Variants in NFIX observed in about 807,000 individuals in gnomAD.
NFIX encodes the protein nuclear factor I X, also known as nuclear factor 1 X-type.
NFIX carries 2 observed loss-of-function variants against 53.3 expected under a neutral mutation model. That is an observed-to-expected ratio of 0.04 (90% CI 0.02 to 0.12). The LOEUF is 0.12. Ranked by LOEUF, NFIX falls within the 10% of genes least tolerant of loss-of-function variation. The probability of loss-of-function intolerance (pLI) is 1.00; values close to 1 mark genes in which losing one functional copy is unlikely to be tolerated. For missense variants in NFIX, 310 were observed against 674.5 expected, an observed-to-expected ratio of 0.46 and a Z score of 5.99; for synonymous variants, 244 against 289.0, an observed-to-expected ratio of 0.84 and a Z score of 1.58.
chr19:13,010,828 T>TC (rs570221318), intron 1 of NFIX, among the ~76,000 whole-genome samples: 125 of 152,292 alleles, frequency 8.2e-4, no homozygotes, highest in African/African-American at 3.0e-3. Flanking sequence ...TTCAGGTTGT[T>TC]GCGGGAGCCG....
intron 2 of NFIX, among the ~76,000 whole-genome samples, chr19:13,047,964 T>C (rs1364800124): frequency 6.6e-6 from 1 of 152,236 alleles, no homozygotes; most frequent in Admixed American, 6.5e-5. Context: ...CATGCTCTGC[T>C]TCTCGACCTG....
rs768546134 is a variant in NFIX, at chr19:13,060,275, CCAGCCCCCA to C, written c.560-12770_560-12762del. On this transcript the variant is annotated intron_variant, in intron 2 of 10. Transcript: ENST00000592199. This position sits in a 1 kb window ranked among gnomAD's most constrained non-coding sequence, Gnocchi z 4.3. ...CTCTCAGAGGGACCTAGTACAGAGC[CCAGCCCCCA>C]CTCTGAGGAAGCCTTGGATGGGCCA... Among the ~76,000 whole-genome samples, 51 of 152,342 alleles carry C rather than the reference CCAGCCCCCA, an allele frequency of 3.3e-4. No homozygotes were observed. The highest frequency in any genetic ancestry group is 6.9e-4 in the Non-Finnish European group (47 of 68,030).
chr19:13,073,835 C>G lies in NFIX; in HGVS notation c.698-71C>G, dbSNP rs567441773. On this transcript the variant is annotated intron_variant, in intron 4 of 10. Transcript: ENST00000592199. The surrounding 1 kb of genome is among the most constrained non-coding windows in gnomAD (Gnocchi z 4.5). The stretch of plus-strand genomic sequence containing the variant: ...CACCCTGGGCTTCTGGGAAGCTGTT[C>G]ATGACAAAGAAACAGACCCCATCAG... The G allele has an allele frequency of 1.1e-5, 17 of 1,601,480 alleles. No homozygotes were observed. The highest frequency in any genetic ancestry group is 1.7e-4 in the Middle Eastern group (1 of 6,036).
In NFIX at chr19:13,014,177, G is replaced by T. The variant is rs926022675; in HGVS notation, c.28-10844G>T. The T allele has an allele frequency of 6.6e-6, 1 of 152,156 alleles. No homozygotes were observed. The highest frequency in any genetic ancestry group is 2.1e-4 in the South Asian group (1 of 4,834). 9.4% of individuals were successfully genotyped at this position (152,156 alleles called of 1,614,324 possible). On this transcript the variant is annotated intron_variant, in intron 1 of 10. Transcript: ENST00000592199. This position sits in a 1 kb window ranked among gnomAD's most constrained non-coding sequence, Gnocchi z 4.4. Reference sequence around the variant, plus strand: ...GCGCGCTTTTCGGCAGAGCTGGTTAGTTTTTAATGCGGGCTTTTTTTTTCT... The same window carrying T: ...GCGCGCTTTTCGGCAGAGCTGGTTATTTTTTAATGCGGGCTTTTTTTTTCT...
rs746320440 is a variant in NFIX, at chr19:13,036,660, T to C, written c.559+11108T>C. ...TATATCCCCATTAGCGCATAATTAT[T>C]ATATAATGGGCGTTATTGCATAATG... On this transcript the variant is annotated intron_variant, in intron 2 of 10. Coordinates refer to ENST00000592199, the MANE Select transcript of NFIX (RefSeq NM_001365902.3). This position sits in a 1 kb window ranked among gnomAD's most constrained non-coding sequence, Gnocchi z 4.7. Among the ~76,000 whole-genome samples, 7 of 152,174 alleles carry C rather than the reference T, an allele frequency of 4.6e-5. No individual in the cohort carries two copies. Among genetic ancestry groups the C allele is most frequent in the Non-Finnish European group, 7.4e-5 (5 of 68,022 alleles).
intron 2 of NFIX, among the ~76,000 whole-genome samples, chr19:13,042,236 C>T (rs888667491): frequency 6.6e-6 from 1 of 152,004 alleles, no homozygotes; most frequent in Non-Finnish European, 1.5e-5. Flanking sequence ...CTGCATTACC[C>T]CTAAATTGTC....
rs59712093 is a variant in NFIX, at chr19:13,067,070, C to G, written c.560-5977C>G. On this transcript the variant is annotated intron_variant, in intron 2 of 10. Transcript: ENST00000592199. This position sits in a 1 kb window ranked among gnomAD's most constrained non-coding sequence, Gnocchi z 4.2. ...ATTCTCCAGCTCTGATTGCTACAGGCAGGGCCTCTGGCTCCCCTTGAGATT... is the reference window on the plus strand; with the variant it reads ...ATTCTCCAGCTCTGATTGCTACAGGGAGGGCCTCTGGCTCCCCTTGAGATT... Among the ~76,000 whole-genome samples, 1,429 of 152,334 alleles carry G rather than the reference C, an allele frequency of 9.4e-3. 28 individuals are homozygous for G. The highest frequency in any genetic ancestry group is 0.033 in the African/African-American group (1,373 of 41,558).
At position 13,022,686 on chromosome 19, in the gene NFIX, AGCT is replaced by A. The variant is rs1195581690; in HGVS notation, c.28-2331_28-2329del. 1.3e-5 allele frequency among the ~76,000 whole-genome samples: 2 copies of A among 151,992 alleles called. No homozygotes were observed. Among genetic ancestry groups the A allele is most frequent in the African/African-American group, 4.8e-5 (2 of 41,382 alleles). On this transcript the variant is annotated intron_variant, in intron 1 of 10. Coordinates refer to ENST00000592199, the MANE Select transcript of NFIX (RefSeq NM_001365902.3). This position sits in a 1 kb window ranked among gnomAD's most constrained non-coding sequence, Gnocchi z 4.5. ...AAACCAAAACACAGAGAGAAGGCGC[AGCT>A]GCTTCCCCAAGGCCTTCTGGGGCTC...
chr19:13,080,714 A>G (rs927173107), intron 7 of NFIX, among the ~76,000 whole-genome samples: 7 of 152,046 alleles, frequency 4.6e-5, no homozygotes, highest in Non-Finnish European at 1.0e-4. Flanking sequence ...TATTTAACAG[A>G]TACTGGCTGG....
intron 2 of NFIX, among the ~76,000 whole-genome samples, chr19:13,029,922 A>G (rs1327294870): frequency 6.6e-6 from 1 of 152,150 alleles, no homozygotes. Flanking sequence ...CTGTGTCCAT[A>G]CTGCCAAGAC....
rs199961672 is a variant in NFIX at position 13,078,568 on chromosome 19, C to G, written c.956-45C>G. 1 of 1,567,884 alleles carries G rather than the reference C, an allele frequency of 6.4e-7. No homozygotes were observed. The highest frequency in any genetic ancestry group is 8.7e-7 in the Non-Finnish European group (1 of 1,155,052). ...GCTTCCCGCCTTCCCCGCACCCACC[C>G]CAGCCCAGCTAAACCTGCCCTGTGT... On this transcript the variant is annotated intron_variant, in intron 6 of 10. Coordinates refer to ENST00000592199, the MANE Select transcript of NFIX (RefSeq NM_001365902.3). This position sits in a 1 kb window ranked among gnomAD's most constrained non-coding sequence, Gnocchi z 4.7.
At chr19:13,059,777 C>CTTTTTTT (rs35128120) in intron 2 of NFIX, among the ~76,000 whole-genome samples, 38 of 60,342 alleles carry the variant, frequency 6.3e-4, no homozygotes, top group Middle Eastern at 0.023. Flanking sequence ...AATTAGAATT[C>CTTTTTTT]TTTTTTTTTT....
chr19:13,023,966 C>A, intron 1 of NFIX: 1 of 1,416,980 alleles, frequency 7.1e-7, no homozygotes, highest in Non-Finnish European at 9.5e-7. Context: ...CCGCCCCCAA[C>A]TCACAACTCT....
chr19:13,085,528 T>C (rs908261772), intron 8 of NFIX, among the ~76,000 whole-genome samples: 1 of 152,198 alleles, frequency 6.6e-6, no homozygotes, highest in Non-Finnish European at 1.5e-5. Context: ...GCATCACCTT[T>C]CTCTGCAGCG....
Position 13,073,084 on chromosome 19 carries a change from T to G in NFIX, c.597T>G (p.Asp199Glu). The change falls in exon 3 of 11, where the codon GAT (aspartate) becomes GAG (glutamate). Residue 199 changes from aspartate to glutamate, a missense_variant. By Grantham distance (45) the Asp-to-Glu change is conservative. Around this residue, in one of 5 missense-constraint regions of NFIX, gnomAD observed 164 missense variants for 284.4 expected, o/e 0.58. Transcript: ENST00000592199. The surrounding 1 kb of genome is among the most constrained non-coding windows in gnomAD (Gnocchi z 4.5). ...GQSDSSNQQG[D>E]ADIKPLPNGH... is the part of the protein sequence containing the mutation. ...CAGATAGTTCAAACCAGCAAGGAGA[T>G]GCGGACATCAAACCACTGCCCAACG... The G allele has an allele frequency of 3.1e-6, 5 of 1,614,012 alleles. No homozygotes were observed. The highest frequency in any genetic ancestry group is 4.2e-6 in the Non-Finnish European group (5 of 1,179,876).
intron 2 of NFIX, among the ~76,000 whole-genome samples, chr19:13,044,882 G>A (rs753537669): frequency 5.9e-5 from 9 of 152,214 alleles, no homozygotes; most frequent in Non-Finnish European, 1.2e-4. Flanking sequence ...CCCTCTGTTT[G>A]GATATGGCAC....
At chr19:13,046,473 CCT>C (rs1309897518) in intron 2 of NFIX, among the ~76,000 whole-genome samples, 1 of 152,224 alleles carries the variant, frequency 6.6e-6, no homozygotes, top group African/African-American at 2.4e-5. Context: ...CTTCCCCCCC[CCT>C]CTTTTTTTTG....
At chr19:13,039,245 C>CACACGTGT (rs146029256) in intron 2 of NFIX, among the ~76,000 whole-genome samples, 4 of 148,492 alleles carry the variant, frequency 2.7e-5, no homozygotes, top group African/African-American at 7.6e-5. Context: ...CACACATACA[C>CACACGTGT]GTGTGTGTGT....
chr19:13,041,743 G>A (rs1324990880), intron 2 of NFIX, among the ~76,000 whole-genome samples: 2 of 149,616 alleles, frequency 1.3e-5, no homozygotes, highest in Non-Finnish European at 3.0e-5. Context: ...GCAGTCAGCC[G>A]AGATCGTGCC....
Sources: allele counts gnomAD v4.1 joint callset (sites outside exome capture counted in the v4.1 genomes callset), GRCh38; gene constraint gnomAD v4.1.1; regional missense constraint gnomAD v4.1.1; non-coding constraint Gnocchi (gnomAD v3.1); transcripts MANE v1.5; gene names NCBI Gene and HGNC (gene_info 2026-07-23, HGNC 2026-07-21).